Variants in ANKRD10 observed in about 807,000 individuals in gnomAD.
ANKRD10 encodes ankyrin repeat domain 10.
Under a neutral mutation model 27.0 loss-of-function variants are expected in ANKRD10, and 14 were observed. That is an observed-to-expected ratio of 0.52 (90% CI 0.34 to 0.81). ANKRD10 has a LOEUF of 0.81. Ranked by LOEUF, ANKRD10 falls within the 40% of genes least tolerant of loss-of-function variation. ANKRD10 has a pLI of 0.01. For synonymous variants in ANKRD10, 250 were observed against 224.5 expected (o/e 1.11, Z -1.01); for missense variants, 493 against 544.0 (o/e 0.91, Z 0.93).
At chr13:110,914,055 C>T (rs1229056225) in intron 1 of ANKRD10, among the ~76,000 whole-genome samples, 1 of 152,228 alleles carries the variant, frequency 6.6e-6, no homozygotes, top group African/African-American at 2.4e-5. Flanking sequence ...ACACAGCCGT[C>T]ACTAATTTTG....
chr13:110,909,834 G>A (rs1594637648), intron 2 of ANKRD10, among the ~76,000 whole-genome samples: 2 of 152,322 alleles, frequency 1.3e-5, no homozygotes, highest in East Asian at 1.9e-4. Context: ...AGACCTTGAT[G>A]ACTATAAAGC....
At chr13:110,898,120 G>A (rs767778806) in intron 3 of ANKRD10, among the ~76,000 whole-genome samples, 5 of 152,146 alleles carry the variant, frequency 3.3e-5, no homozygotes, top group African/African-American at 9.7e-5. Flanking sequence ...CTCTGAGAGC[G>A]CACTTAGCTG....
At chr13:110,897,085 C>T (rs2065245765) in intron 3 of ANKRD10, among the ~76,000 whole-genome samples, 1 of 151,908 alleles carries the variant, frequency 6.6e-6, no homozygotes, top group Non-Finnish European at 1.5e-5. Flanking sequence ...TGTTAGTCAC[C>T]CTACAGTGCA....
chr13:110,898,742 T>C (rs1020677987), intron 3 of ANKRD10, among the ~76,000 whole-genome samples: 7 of 121,314 alleles, frequency 5.8e-5, no homozygotes, highest in Non-Finnish European at 1.1e-4. Flanking sequence ...CCAACTAGTT[T>C]TTCTTTTCTT....
intron 4 of ANKRD10, among the ~76,000 whole-genome samples, chr13:110,885,036 G>T (rs1239706522): frequency 6.6e-6 from 1 of 152,008 alleles, no homozygotes; most frequent in East Asian, 1.9e-4. Flanking sequence ...TTGTGTAGTT[G>T]GGGGGATGGG....
intron 3 of ANKRD10, among the ~76,000 whole-genome samples, chr13:110,902,049 G>GGAA (rs1198192826): frequency 3.5e-5 from 4 of 115,418 alleles, no homozygotes; most frequent in African/African-American, 1.3e-4. Flanking sequence ...TCTCTTTTTA[G>GGAA]AAAAAAAAAA....
chr13:110,884,735 AT>A (rs2064884165), intron 4 of ANKRD10, among the ~76,000 whole-genome samples: 1 of 152,280 alleles, frequency 6.6e-6, no homozygotes, highest in South Asian at 2.1e-4. Context: ...TCATAAATGC[AT>A]TTTTATGTGT....
intron 4 of ANKRD10, among the ~76,000 whole-genome samples, chr13:110,888,658 C>CTTTA (rs1220686692): frequency 6.6e-6 from 1 of 152,148 alleles, no homozygotes; most frequent in African/African-American, 2.4e-5. Context: ...TTTACCAAGT[C>CTTTA]TTTAACCCTG....
At position 110,879,774 on chromosome 13, in the gene ANKRD10, G is replaced by A. The variant is rs1431540393; in HGVS notation, c.1126C>T (p.His376Tyr). The A allele has an allele frequency of 5.6e-6, 9 of 1,614,112 alleles. No homozygotes were observed. The highest frequency in any genetic ancestry group is 7.6e-6 in the Non-Finnish European group (9 of 1,180,052). Reference protein sequence around the residue: ...EDIGDNLYYGHYHGFGDTAES... With the variant: ...EDIGDNLYYGYYHGFGDTAES... ...GCAGTGTCCCCAAACCCGTGGTAGTGTCCATAGTACAGGTTATCCCCAATG... is the reference window on the plus strand; with the variant it reads ...GCAGTGTCCCCAAACCCGTGGTAGTATCCATAGTACAGGTTATCCCCAATG... The change falls in exon 6 of 6, where the codon CAC (histidine) becomes TAC (tyrosine). Residue 376 changes from histidine (H) to tyrosine (Y), a missense_variant. Physicochemically the swap from His to Tyr is moderately conservative, Grantham distance 83. Transcript: ENST00000267339.
intron 3 of ANKRD10, among the ~76,000 whole-genome samples, chr13:110,898,694 T>C (rs887198794): frequency 1.3e-5 from 2 of 151,400 alleles, no homozygotes; most frequent in Admixed American, 6.6e-5. Flanking sequence ...CACTTCAGCC[T>C]CCTGAGTAGC....
Position 110,915,022 on chromosome 13 carries a change from G to A in ANKRD10, c.-88C>T, listed in dbSNP as rs2065853611. On this transcript the variant is annotated 5_prime_UTR_variant, in exon 1 of 6. Coordinates refer to ENST00000267339, the MANE Select transcript of ANKRD10 (RefSeq NM_017664.4). Reference sequence around the variant, plus strand: ...AGCCGCCGCCGCAGCACAAAGGAACGAGACTAGCGCCGCGGTCGCGTCCCA... The same window carrying A: ...AGCCGCCGCCGCAGCACAAAGGAACAAGACTAGCGCCGCGGTCGCGTCCCA... The A allele has an allele frequency of 6.8e-6, 10 of 1,465,390 alleles. No individual in the cohort carries two copies. Among genetic ancestry groups the A allele is most frequent in the Non-Finnish European group, 9.0e-6 (10 of 1,113,426 alleles). The allele number at this position is 1,465,390 out of a possible 1,614,324, so 90.8% of individuals were successfully genotyped here.
rs777910027 is a variant in ANKRD10, at chr13:110,883,733, T to C, written c.752A>G (p.Lys251Arg). The C allele has an allele frequency of 1.2e-6, 2 of 1,614,078 alleles. No homozygotes were observed. The highest frequency in any genetic ancestry group is 2.7e-5 in the African/African-American group (2 of 74,938). ...TNGDTEDDAD[K>R]MHVDREFAVV... ...AGCAAACTCCCTATCAACGTGCATTTTGTCAGCATCGTCTTCTGTGTCGCC... is the reference window on the plus strand; with the variant it reads ...AGCAAACTCCCTATCAACGTGCATTCTGTCAGCATCGTCTTCTGTGTCGCC... The change falls in exon 5 of 6, where the codon AAA becomes AGA. Residue 251 changes from lysine (K) to arginine (R), a missense_variant. Physicochemically the swap from Lys to Arg is conservative, Grantham distance 26 (BLOSUM62 2). Coordinates refer to ENST00000267339, the MANE Select transcript of ANKRD10 (RefSeq NM_017664.4).
intron 3 of ANKRD10, 77 bp from the exon 4 acceptor site, chr13:110,893,340 TA>T: frequency 7.3e-7 from 1 of 1,379,092 alleles, no homozygotes; most frequent in Non-Finnish European, 1.0e-6. Context: ...ACTGACTAGC[TA>T]TCTGAAGGTG....
rs535463677 is a variant in ANKRD10 at position 110,913,994 on chromosome 13, G to C, written c.210+731C>G. Among the ~76,000 whole-genome samples the C allele has an allele frequency of 2.6e-5, 4 of 152,334 alleles. No homozygotes were observed. The East Asian group carries it at 7.7e-4, about 29-fold the overall frequency. On this transcript the variant is annotated intron_variant, in intron 1 of 5. Transcript: ENST00000267339. Reference sequence around the variant, plus strand: ...GGGGAACGTAAAGCCTCCACGGGAAGAGAATTCTGCTTAATTTAACCACTT... The same window carrying C: ...GGGGAACGTAAAGCCTCCACGGGAACAGAATTCTGCTTAATTTAACCACTT...
At chr13:110,914,439 T>C (rs983556602) in intron 1 of ANKRD10, 2 of 266,096 alleles carry the variant, frequency 7.5e-6, no homozygotes, top group Non-Finnish European at 6.9e-6. Context: ...GAGCCCGCCT[T>C]GTTAGAAACT....
chr13:110,884,774 TTA>T (rs1299200906), intron 4 of ANKRD10, among the ~76,000 whole-genome samples: 2 of 152,228 alleles, frequency 1.3e-5, no homozygotes, highest in African/African-American at 4.8e-5. Context: ...ATACTTAGAA[TTA>T]TTTCTGGGCC....
rs1255093952 is a variant in ANKRD10 at position 110,878,932 on chromosome 13, G to T, written c.*705C>A. ...ATAGTGATTTCCACTACATATAAAG[G>T]AATCTGTTACATGTGGTAAAACTTC... On this transcript the variant is annotated 3_prime_UTR_variant, in exon 6 of 6. Coordinates refer to ENST00000267339, the MANE Select transcript of ANKRD10 (RefSeq NM_017664.4). 1 of 152,262 alleles carries T rather than the reference G, an allele frequency of 6.6e-6. No individual in the cohort carries two copies. Among genetic ancestry groups the T allele is most frequent in the African/African-American group, 2.4e-5 (1 of 41,446 alleles). The allele number at this position is 152,262 out of a possible 1,614,324, so 9.4% of individuals were successfully genotyped here.
At chr13:110,913,966 A>T (rs2065799450) in intron 1 of ANKRD10, among the ~76,000 whole-genome samples, 1 of 152,310 alleles carries the variant, frequency 6.6e-6, no homozygotes, top group Admixed American at 6.5e-5. Flanking sequence ...TTAAGAAAAA[A>T]GAGGGGAACG....
intron 5 of ANKRD10, among the ~76,000 whole-genome samples, chr13:110,881,583 T>C (rs903735956): frequency 2.6e-5 from 4 of 152,212 alleles, no homozygotes; most frequent in African/African-American, 9.6e-5. Flanking sequence ...AATCCTAGAC[T>C]AGAAAACAAG....
Sources: allele counts gnomAD v4.1 joint callset (sites outside exome capture counted in the v4.1 genomes callset), GRCh38; gene constraint gnomAD v4.1.1; transcripts MANE v1.5; gene names NCBI Gene and HGNC (gene_info 2026-07-23, HGNC 2026-07-21).